ZNHIT6: variants seen among roughly 807,000 people sequenced by gnomAD.
The protein encoded by ZNHIT6 is box C/D snoRNA protein 1.
In ZNHIT6, 45 loss-of-function variants were observed where a neutral mutation model predicts 57.2. The ratio of observed to expected loss-of-function variants is 0.79; its 90% CI spans 0.62 to 1.01. The LOEUF (loss-of-function observed/expected upper bound fraction) is 1.01. Ranked by LOEUF, ZNHIT6 falls within the 50% of genes least tolerant of loss-of-function variation. The pLI, the probability that ZNHIT6 is intolerant of heterozygous loss-of-function variation, is 0.00. For synonymous variants in ZNHIT6, 188 were observed against 190.0 expected (o/e 0.99, Z 0.09); for missense variants, 528 against 567.3 (o/e 0.93, Z 0.70).
chr1:85,672,753 T>G (rs1368657455), intron 8 of ZNHIT6, among the ~76,000 whole-genome samples: 2 of 151,324 alleles, frequency 1.3e-5, no homozygotes, highest in Non-Finnish European at 2.9e-5. Context: ...TGGTTTTTTT[T>G]GAATAAATTT....
Position 85,657,923 on chromosome 1 carries a change from G to T in ZNHIT6, c.1296C>A (p.Asn432Lys). 1 of 1,593,478 alleles carries T rather than the reference G, an allele frequency of 6.3e-7. No individual in the cohort carries two copies. Among genetic ancestry groups the T allele is most frequent in the Non-Finnish European group, 8.6e-7 (1 of 1,165,226 alleles). The change falls in exon 9 of 10, where the codon AAC (asparagine) becomes AAA (lysine). Residue 432 changes from asparagine (N) to lysine (K), a missense_variant. Coordinates refer to ENST00000370574, the MANE Select transcript of ZNHIT6 (RefSeq NM_017953.4). ...PYKSLLDNLR[N>K]KVIIEYPTLH... ...ATGTTGGATACTCAATGATCACTTT[G>T]TTCCTCAAATTGTCTAGGAGACTTT...
intron 5 of ZNHIT6, among the ~76,000 whole-genome samples, chr1:85,698,052 T>G (rs1662427405): frequency 6.6e-6 from 1 of 152,184 alleles, no homozygotes; most frequent in African/African-American, 2.4e-5. Flanking sequence ...CAACATTTCC[T>G]TATCAAGCTT....
Position 85,706,522 on chromosome 1 carries a change from A to G in ZNHIT6, c.657-15T>C, listed in dbSNP as rs373319638. The G allele has an allele frequency of 2.0e-6, 3 of 1,531,976 alleles. No homozygotes were observed. Among genetic ancestry groups the G allele is most frequent in the African/African-American group, 2.8e-5 (2 of 71,204 alleles). 94.9% of individuals were successfully genotyped at this position (1,531,976 alleles called of 1,614,324 possible). A position where few individuals can be genotyped will look rare whatever the true frequency, so the allele number is the denominator to read the frequency against. ...AAGTCTCACACCTACAAAAGCCCAC[A>G]TGTAACATTAAATTATCAAATATTA... On this transcript the variant is annotated splice_polypyrimidine_tract_variant and intron_variant, in intron 1 of 9. Transcript: ENST00000370574.
intron 8 of ZNHIT6, among the ~76,000 whole-genome samples, chr1:85,676,727 C>T (rs1408939613): frequency 1.3e-5 from 2 of 151,938 alleles, no homozygotes; most frequent in African/African-American, 2.4e-5. Flanking sequence ...TATTGTGGTG[C>T]ACCCAAAGCA....
At chr1:85,701,661 T>A (rs1334803321) in intron 5 of ZNHIT6, among the ~76,000 whole-genome samples, 1 of 152,188 alleles carries the variant, frequency 6.6e-6, no homozygotes, top group Non-Finnish European at 1.5e-5. Context: ...AGTACAGGCG[T>A]CCTGTTTTTA....
At chr1:85,695,153 A>ACTGG (rs1662330611) in intron 5 of ZNHIT6, among the ~76,000 whole-genome samples, 1 of 152,064 alleles carries the variant, frequency 6.6e-6, no homozygotes, top group Non-Finnish European at 1.5e-5. Flanking sequence ...AGTCCCAGCT[A>ACTGG]CTGGGGAGGC....
intron 1 of ZNHIT6, 35 bp downstream of exon 1, chr1:85,707,594 C>T: frequency 6.6e-7 from 1 of 1,522,628 alleles, no homozygotes; most frequent in South Asian, 1.4e-5. Context: ...GACTCCACAG[C>T]TTTATTCCCC....
At position 85,657,938 on chromosome 1, in the gene ZNHIT6, T is replaced by A; in HGVS notation, c.1281A>T (p.Leu427=). 1.9e-6 allele frequency: 3 copies of A among 1,574,314 alleles called. No individual in the cohort carries two copies. Among genetic ancestry groups the A allele is most frequent in the Non-Finnish European group, 2.6e-6 (3 of 1,149,414 alleles). Residue 427 remains leucine, a synonymous_variant, in exon 9 of 10, where the codon CTA becomes CTT. Transcript: ENST00000370574. ...TGATCACTTTGTTCCTCAAATTGTC[T>A]AGGAGACTTTTATAAGGATCTAGTT... ...YYELDPYKSL[L]DNLRNKVIIE... is the part of the protein sequence containing the mutation.
chr1:85,679,461 G>A (rs995589266), intron 6 of ZNHIT6, among the ~76,000 whole-genome samples: 1 of 151,182 alleles, frequency 6.6e-6, no homozygotes, highest in Non-Finnish European at 1.5e-5. Flanking sequence ...ACAAAGAGAG[G>A]ATATTTATGT....
intron 5 of ZNHIT6, among the ~76,000 whole-genome samples, chr1:85,691,358 A>G (rs1015621345): frequency 6.6e-6 from 1 of 152,246 alleles, no homozygotes; most frequent in Non-Finnish European, 1.5e-5. Context: ...GAAATGAATT[A>G]TATTTCCAAC....
chr1:85,671,762 C>G (rs72946649), intron 8 of ZNHIT6, among the ~76,000 whole-genome samples: 1,580 of 152,236 alleles, frequency 0.01, 24 homozygotes, highest in African/African-American at 0.036. Flanking sequence ...GATGGGAAAA[C>G]AGGCTTAGTA....
Position 85,708,224 on chromosome 1 carries a change from C to T in ZNHIT6, c.61G>A (p.Gly21Arg). 1.2e-6 allele frequency: 2 copies of T among 1,613,612 alleles called. No homozygotes were observed. The highest frequency in any genetic ancestry group is 1.7e-6 in the Non-Finnish European group (2 of 1,179,596). ...SGGGLHSVAEGVRLSPEPGRE... is the reference protein window; with the variant it reads ...SGGGLHSVAERVRLSPEPGRE... ...CCAGGCTCTGGACTTAGCCGCACCC[C>T]CTCAGCTACGCTGTGGAGACCTCCC... The change falls in exon 1 of 10, where the codon GGG (glycine) becomes AGG (arginine). Residue 21 changes from glycine to arginine, a missense_variant. Physicochemically the swap from Gly to Arg is moderately radical, Grantham distance 125. Coordinates refer to ENST00000370574, the MANE Select transcript of ZNHIT6 (RefSeq NM_017953.4).
At chr1:85,680,709 C>A (rs2100682683) in intron 6 of ZNHIT6, 127 bp downstream of exon 6, 1 of 587,052 alleles carries the variant, frequency 1.7e-6, no homozygotes. Flanking sequence ...TGATGTTTAG[C>A]ATTTCATTGT....
At chr1:85,698,683 T>C (rs553072389) in intron 5 of ZNHIT6, among the ~76,000 whole-genome samples, 2 of 152,248 alleles carry the variant, frequency 1.3e-5, no homozygotes, top group South Asian at 2.1e-4. Flanking sequence ...CAACTTCTCA[T>C]ATCAACAATT....
At chr1:85,661,659 T>C (rs1557835729) in intron 8 of ZNHIT6, among the ~76,000 whole-genome samples, 1 of 152,238 alleles carries the variant, frequency 6.6e-6, no homozygotes. Context: ...CTGTTTCCAC[T>C]ATCTTGAAGC....
chr1:85,702,306 A>C lies in ZNHIT6; in HGVS notation c.916-46T>G, dbSNP rs144014734. The C allele has an allele frequency of 3.2e-5, 39 of 1,203,170 alleles. 1 individual carries two copies. In the African/African-American group the frequency reaches 4.3e-4, roughly 13 times the overall value. 74.5% of individuals were successfully genotyped at this position (1,203,170 alleles called of 1,614,324 possible). A position where few individuals can be genotyped will look rare whatever the true frequency, so the allele number is the denominator to read the frequency against. The stretch of plus-strand genomic sequence containing the variant: ...GACAAATTAATTTTTAAATTCCTTA[A>C]ATTTAAAAAGTGAGTAAAACAATGT... On this transcript the variant is annotated intron_variant, in intron 4 of 9. Transcript: ENST00000370574.
intron 8 of ZNHIT6, among the ~76,000 whole-genome samples, chr1:85,673,761 C>T (rs370791832): frequency 0.02 from 1,426 of 69,790 alleles, 58 homozygotes; most frequent in Admixed American, 0.14. Flanking sequence ...AAGGATGTAA[C>T]TGTAATGTAC....
At chr1:85,702,107 G>C in intron 5 of ZNHIT6, 50 bp downstream of exon 5, 1 of 1,288,534 alleles carries the variant, frequency 7.8e-7, no homozygotes, top group African/African-American at 1.5e-5. Context: ...CTTAAAGAAT[G>C]ATCCTGATCA....
chr1:85,658,099 C>T, intron 8 of ZNHIT6, 128 bp from the exon 9 acceptor site: 1 of 568,144 alleles, frequency 1.8e-6, no homozygotes, highest in African/African-American at 1.9e-5. Flanking sequence ...TAGTTACTTC[C>T]TTATAGCATA....
Sources: allele counts gnomAD v4.1 joint callset (sites outside exome capture counted in the v4.1 genomes callset), GRCh38; gene constraint gnomAD v4.1.1; transcripts MANE v1.5; gene names NCBI Gene and HGNC (gene_info 2026-07-23, HGNC 2026-07-21).